The following RGS6 variants were observed in gnomAD, a reference collection of about 807,000 sequenced individuals.
RGS6 encodes regulator of G-protein signaling 6.
A neutral mutation model predicts 78.5 loss-of-function variants in RGS6; 30 were observed. That is an observed-to-expected ratio of 0.38 (90% CI 0.29 to 0.52). The LOEUF (loss-of-function observed/expected upper bound fraction) is 0.52. Ranked by LOEUF, RGS6 falls within the 20% of genes least tolerant of loss-of-function variation. RGS6 has a pLI of 0.85. For missense variants in RGS6, 495 were observed against 609.7 expected (o/e 0.81, Z 1.98); for synonymous variants, 206 against 206.0 (o/e 1.00, Z 0.00).
intron 2 of RGS6, among the ~76,000 whole-genome samples, chr14:72,120,806 A>G (rs2096029828): frequency 2.0e-5 from 3 of 152,212 alleles, no homozygotes; most frequent in Admixed American, 2.0e-4. Flanking sequence ...AGGAGAACTG[A>G]TTCAAAAGGA....
At chr14:72,588,273 G>A in the RGS6 span, among the ~76,000 whole-genome samples, 2 of 152,000 alleles carry the variant, frequency 1.3e-5, no homozygotes. Context: ...ATTGTAAAAG[G>A]GTCTTTCATT....
intron 2 of RGS6, among the ~76,000 whole-genome samples, chr14:72,281,429 A>G (rs1159951525): frequency 6.6e-6 from 1 of 152,182 alleles, no homozygotes; most frequent in Non-Finnish European, 1.5e-5. Context: ...GATTACAGGA[A>G]TGAGCCACCA....
chr14:72,144,500 C>G (rs1436048469), intron 2 of RGS6, among the ~76,000 whole-genome samples: 1 of 152,112 alleles, frequency 6.6e-6, no homozygotes, highest in Non-Finnish European at 1.5e-5. Flanking sequence ...TCTTCTAAGT[C>G]TTTTATTCTG....
At chr14:72,208,839 AGAAAGCATAAT>A (rs2043318506) in intron 2 of RGS6, among the ~76,000 whole-genome samples, 1 of 152,258 alleles carries the variant, frequency 6.6e-6, no homozygotes, top group Non-Finnish European at 1.5e-5. Flanking sequence ...TCTTTTAATC[AGAAAGCATAAT>A]TGCTTTCTCC....
At chr14:72,535,804 C>T (rs1369959511) in intron 15 of RGS6, among the ~76,000 whole-genome samples, 2 of 152,176 alleles carry the variant, frequency 1.3e-5, no homozygotes, top group African/African-American at 4.8e-5. Flanking sequence ...AGTTTATAAT[C>T]TGGAGCTTGG....
At chr14:72,604,539 G>A in the RGS6 span, among the ~76,000 whole-genome samples, 3 of 152,172 alleles carry the variant, frequency 2.0e-5, no homozygotes, top group African/African-American at 7.2e-5. Flanking sequence ...TAAAGTTGCT[G>A]TCAAGTTTTA....
rs1194454649 is a variant in RGS6 at position 72,255,960 on chromosome 14, ACTT to A, written c.85-96131_85-96129del. 3.9e-5 allele frequency among the ~76,000 whole-genome samples: 6 copies of A among 152,298 alleles called. No individual in the cohort carries two copies. The East Asian group carries it at 9.7e-4, about 25-fold the overall frequency. On this transcript the variant is annotated intron_variant, in intron 2 of 17. Coordinates refer to ENST00000553525, the MANE Select transcript of RGS6 (RefSeq NM_001204424.2). ...TTCTTTGTGATTTCAGAAACGTGCA[ACTT>A]CTTTGAACGCATATTAAATGTTTTT...
rs1445581280 is a variant in RGS6, at chr14:72,563,698, T to C, written c.*1231T>C. On this transcript the variant is annotated 3_prime_UTR_variant, in exon 18 of 18. Transcript: ENST00000553525. The stretch of plus-strand genomic sequence containing the variant: ...ATTTGCCAACCTGGCTGTGAGGTAA[T>C]GTATGTAAAGCACCGAGTCAGGTGC... 6.6e-6 allele frequency: 1 copy of C among 152,238 alleles called. No individual in the cohort carries two copies. The highest frequency in any genetic ancestry group is 2.4e-5 in the African/African-American group (1 of 41,456). 9.4% of individuals were successfully genotyped at this position (152,238 alleles called of 1,614,324 possible). A position where few individuals can be genotyped will look rare whatever the true frequency, so the allele number is the denominator to read the frequency against.
chr14:72,301,330 AGT>A (rs1353872734), intron 2 of RGS6, among the ~76,000 whole-genome samples: 1 of 152,040 alleles, frequency 6.6e-6, no homozygotes, highest in Non-Finnish European at 1.5e-5. Context: ...TTCAGGAGAG[AGT>A]GTTTTGTGTA....
chr14:72,306,402 C>T (rs1053974745), intron 2 of RGS6, among the ~76,000 whole-genome samples: 8 of 152,262 alleles, frequency 5.3e-5, no homozygotes, highest in Middle Eastern at 6.8e-3. Context: ...ATTTTGATTT[C>T]CAAGTCTTAT....
chr14:72,171,871 G>A (rs2097024860), intron 2 of RGS6, among the ~76,000 whole-genome samples: 1 of 152,146 alleles, frequency 6.6e-6, no homozygotes, highest in Non-Finnish European at 1.5e-5. Flanking sequence ...CCACTTTGCT[G>A]AGGAGGCAAC....
chr14:72,567,354 C>T (rs2097714644), downstream of RGS6, among the ~76,000 whole-genome samples: 2 of 152,210 alleles, frequency 1.3e-5, no homozygotes, highest in Admixed American at 1.3e-4. Flanking sequence ...TTGACCATGG[C>T]CACCACCTCC....
At chr14:71,973,285 GCCAAAAC>G (rs768411944) in intron 2 of RGS6, among the ~76,000 whole-genome samples, 109 of 151,826 alleles carry the variant, frequency 7.2e-4, no homozygotes, top group Middle Eastern at 3.5e-3. Context: ...AGTGAACCGA[GCCAAAAC>G]TTTAAAAACA....
the RGS6 span, among the ~76,000 whole-genome samples, chr14:71,876,383 C>A: frequency 0.076 from 11,423 of 151,140 alleles, 887 homozygotes; most frequent in East Asian, 0.2. Context: ...TGAATTGATC[C>A]CTTTACCATT....
chr14:72,167,274 G>C (rs960198734), intron 2 of RGS6, among the ~76,000 whole-genome samples: 1 of 152,250 alleles, frequency 6.6e-6, no homozygotes, highest in Non-Finnish European at 1.5e-5. Flanking sequence ...TTCCTTGACA[G>C]ATGGGCCTGC....
chr14:72,019,226 C>A (rs2087801883), intron 2 of RGS6, among the ~76,000 whole-genome samples: 1 of 152,106 alleles, frequency 6.6e-6, no homozygotes, highest in Non-Finnish European at 1.5e-5. Context: ...TTGGCTGTTA[C>A]CTCATTTTAC....
chr14:72,238,949 T>G (rs847266), intron 2 of RGS6, among the ~76,000 whole-genome samples: 47,044 of 152,114 alleles, frequency 0.31, 8,011 homozygotes, highest in South Asian at 0.43. Flanking sequence ...CTGGCAGCAA[T>G]TCCATATGGA....
At chr14:72,391,773 G>A (rs1261669876) in intron 3 of RGS6, among the ~76,000 whole-genome samples, 1 of 152,082 alleles carries the variant, frequency 6.6e-6, no homozygotes, top group East Asian at 1.9e-4. Context: ...GACAGGCCCT[G>A]GTGTGTGATG....
At chr14:72,526,107 CT>C (rs368041148) in intron 15 of RGS6, among the ~76,000 whole-genome samples, 5,775 of 143,130 alleles carry the variant, frequency 0.04, 231 homozygotes, top group African/African-American at 0.11. Flanking sequence ...TACTTTTCTT[CT>C]TTTTTTTTTT....
Sources: allele counts gnomAD v4.1 joint callset (sites outside exome capture counted in the v4.1 genomes callset), GRCh38; gene constraint gnomAD v4.1.1; transcripts MANE v1.5; gene names NCBI Gene and HGNC (gene_info 2026-07-23, HGNC 2026-07-21).